Variants in INSYN2A observed in about 807,000 individuals in gnomAD.
The protein encoded by INSYN2A is inhibitory synaptic factor 2A, also known as family with sequence similarity 196 member A.
A neutral mutation model predicts 39.4 loss-of-function variants in INSYN2A; 17 were observed. The observed-to-expected ratio is 0.43, with a 90% CI of 0.30 to 0.65. The LOEUF (loss-of-function observed/expected upper bound fraction) is 0.65, where lower values mean the gene tolerates loss of function less well. INSYN2A is among the 30% of genes least tolerant of loss of function. The pLI, the probability that INSYN2A is intolerant of heterozygous loss-of-function variation, is 0.14. For missense variants in INSYN2A, 595 were observed against 631.2 expected (o/e 0.94, Z 0.61); for synonymous variants, 255 against 265.7 (o/e 0.96, Z 0.39).
intron 4 of INSYN2A, among the ~76,000 whole-genome samples, chr10:127,173,624 T>C (rs1353325832): frequency 1.3e-5 from 2 of 152,164 alleles, no homozygotes; most frequent in Non-Finnish European, 2.9e-5. Flanking sequence ...TCTTTCTCTT[T>C]TGCTGTCTGG....
intron 4 of INSYN2A, among the ~76,000 whole-genome samples, chr10:127,171,345 A>G (rs1188314302): frequency 1.3e-5 from 2 of 152,258 alleles, no homozygotes; most frequent in Non-Finnish European, 1.5e-5. Flanking sequence ...AAGTCCTATT[A>G]AAGAGATTTT....
In INSYN2A at chr10:127,176,102, G is replaced by T. The variant is rs762779861; in HGVS notation, c.294C>A (p.Asn98Lys). The T allele has an allele frequency of 1.2e-6, 2 of 1,614,166 alleles. No homozygotes were observed. Among genetic ancestry groups the T allele is most frequent in the South Asian group, 2.2e-5 (2 of 91,084 alleles). ...MTVPARRSIP[N>K]VTKSTGVQTS... Reference sequence around the variant, plus strand: ...TCTGCACGCCTGTGCTCTTGGTGACGTTGGGGATGGACCTGCGTGCGGGCA... The same window carrying T: ...TCTGCACGCCTGTGCTCTTGGTGACTTTGGGGATGGACCTGCGTGCGGGCA... The change falls in exon 4 of 6, where the codon AAC (asparagine) becomes AAA (lysine). Residue 98 changes from asparagine (N) to lysine (K), a missense_variant. Asn to Lys is a moderately conservative substitution (Grantham distance 94). Coordinates refer to ENST00000522781, the MANE Select transcript of INSYN2A (RefSeq NM_001039762.3). This position sits in a 1 kb window ranked among gnomAD's most constrained non-coding sequence, Gnocchi z 4.4.
chr10:127,195,565 G>A (rs1003457343), intron 1 of INSYN2A, among the ~76,000 whole-genome samples: 3 of 151,822 alleles, frequency 2.0e-5, no homozygotes, highest in African/African-American at 7.3e-5. Flanking sequence ...ACTTTCCAGG[G>A]CGCTTTAGTT....
chr10:127,150,750 G>A (rs1382668922), intron 5 of INSYN2A, among the ~76,000 whole-genome samples: 2 of 152,106 alleles, frequency 1.3e-5, no homozygotes, highest in Non-Finnish European at 1.5e-5. Context: ...GAAAGAGTGG[G>A]GTACCACAAA....
chr10:127,169,334 C>T (rs1299775838), intron 4 of INSYN2A, among the ~76,000 whole-genome samples: 1 of 152,188 alleles, frequency 6.6e-6, no homozygotes, highest in Non-Finnish European at 1.5e-5. Context: ...TCTCACATCC[C>T]CTCATTGCCT....
intron 5 of INSYN2A, among the ~76,000 whole-genome samples, chr10:127,153,602 A>G (rs2052723796): frequency 6.6e-6 from 1 of 152,234 alleles, no homozygotes; most frequent in Admixed American, 6.5e-5. Flanking sequence ...CAAGCCATCA[A>G]ACTTATACCA....
rs35712812 is a variant in INSYN2A, at chr10:127,150,990, G to A, written c.1256+2862C>T. Among the ~76,000 whole-genome samples, 1,506 of 152,266 alleles carry A rather than the reference G, an allele frequency of 9.9e-3. 23 individuals are homozygous for A. Among genetic ancestry groups the A allele is most frequent in the African/African-American group, 0.035 (1,443 of 41,540 alleles). On this transcript the variant is annotated intron_variant, in intron 5 of 5. Coordinates refer to ENST00000522781, the MANE Select transcript of INSYN2A (RefSeq NM_001039762.3). ...TCAAATGGGAGATTTCAATTCATGC[G>A]ATTCAAATTAAAATAACATGTTTAA...
chr10:127,159,089 T>C (rs918958992), intron 4 of INSYN2A, among the ~76,000 whole-genome samples: 2 of 152,160 alleles, frequency 1.3e-5, no homozygotes, highest in Admixed American at 6.5e-5. Flanking sequence ...TATAAGAACA[T>C]AGACTCTGCG....
chr10:127,173,519 C>G (rs2054777886), intron 4 of INSYN2A, among the ~76,000 whole-genome samples: 1 of 152,146 alleles, frequency 6.6e-6, no homozygotes, highest in Non-Finnish European at 1.5e-5. Context: ...CTCTCAGGTT[C>G]TTCTTTGGGC....
chr10:127,153,498 T>A (rs1486182343), intron 5 of INSYN2A, among the ~76,000 whole-genome samples: 1 of 152,208 alleles, frequency 6.6e-6, no homozygotes, highest in Non-Finnish European at 1.5e-5. Context: ...CGGTGTGCTT[T>A]CAAGCCTTTG....
rs574591907 is a variant in INSYN2A, at chr10:127,140,346, G to T, written c.1257-2326C>A. 8.1e-4 allele frequency among the ~76,000 whole-genome samples: 124 copies of T among 152,252 alleles called. No individual in the cohort carries two copies. In the Middle Eastern group the frequency reaches 0.01, roughly 13 times the overall value. On this transcript the variant is annotated intron_variant, in intron 5 of 5. Transcript: ENST00000522781. ...TTTGCACTCCCCATTATGCTGCCCT[G>T]GGAATCTGCAACCAGAGGCAGGTTC...
In INSYN2A at chr10:127,175,644, G is replaced by A. The variant is rs377391223; in HGVS notation, c.752C>T (p.Thr251Met). 301 of 1,613,368 alleles carry A rather than the reference G, an allele frequency of 1.9e-4. 3 individuals carry two copies. Among genetic ancestry groups the A allele is most frequent in the South Asian group, 1.7e-3 (156 of 91,066 alleles). ...APPALRRVFK[T>M]EVATVYAPAL... ...AGGTGCGTAAACGGTGGCAACCTCCGTTTTAAACACCCTCCTGAGGGCAGG... is the reference window on the plus strand; with the variant it reads ...AGGTGCGTAAACGGTGGCAACCTCCATTTTAAACACCCTCCTGAGGGCAGG... The change falls in exon 4 of 6, where the codon ACG (threonine) becomes ATG (methionine). Residue 251 changes from threonine to methionine, a missense_variant. Transcript: ENST00000522781. The surrounding 1 kb of genome is among the most constrained non-coding windows in gnomAD (Gnocchi z 6.3).
At chr10:127,189,563 CAAATT>C (rs1405061675) in intron 2 of INSYN2A, among the ~76,000 whole-genome samples, 2 of 152,250 alleles carry the variant, frequency 1.3e-5, no homozygotes, top group Admixed American at 6.5e-5. Context: ...AAGTGCAAAA[CAAATT>C]AAATGAGGAT....
chr10:127,156,519 ACTTTT>A (rs1298958857), intron 4 of INSYN2A, among the ~76,000 whole-genome samples: 1 of 127,846 alleles, frequency 7.8e-6, no homozygotes, highest in African/African-American at 2.9e-5. Context: ...TCTTTTCTTT[ACTTTT>A]CTTTTCTCTT....
At chr10:127,167,818 C>A (rs1046891377) in intron 4 of INSYN2A, among the ~76,000 whole-genome samples, 1 of 151,952 alleles carries the variant, frequency 6.6e-6, no homozygotes, top group African/African-American at 2.4e-5. Flanking sequence ...CACCACCACC[C>A]CCCATCCCCA....
intron 4 of INSYN2A, among the ~76,000 whole-genome samples, chr10:127,172,500 T>C (rs1589761865): frequency 6.6e-6 from 1 of 152,328 alleles, no homozygotes; most frequent in African/African-American, 2.4e-5. Flanking sequence ...TCCTCTCCTA[T>C]GTTCTGACAT....
In INSYN2A at chr10:127,184,463, C is replaced by G. The variant is rs546926013; in HGVS notation, c.-268-7324G>C. Among the ~76,000 whole-genome samples, 9 of 152,074 alleles carry G rather than the reference C, an allele frequency of 5.9e-5. No individual in the cohort carries two copies. The South Asian group carries it at 1.7e-3, about 28-fold the overall frequency. On this transcript the variant is annotated intron_variant, in intron 2 of 5. Transcript: ENST00000522781. Reference sequence around the variant, plus strand: ...GCCTTCATAACTCTCCTGCCCTCAGCTCTCCATTCCCCCATGCCCCACCCC... The same window carrying G: ...GCCTTCATAACTCTCCTGCCCTCAGGTCTCCATTCCCCCATGCCCCACCCC...
At chr10:127,186,942 G>A (rs907534462) in intron 2 of INSYN2A, among the ~76,000 whole-genome samples, 1 of 152,152 alleles carries the variant, frequency 6.6e-6, no homozygotes, top group Admixed American at 6.5e-5. Context: ...TCTGTGGGCT[G>A]TTCCTTGAAT....
chr10:127,178,553 T>G (rs1271226540), intron 2 of INSYN2A, among the ~76,000 whole-genome samples: 1 of 152,180 alleles, frequency 6.6e-6, no homozygotes, highest in Non-Finnish European at 1.5e-5. Context: ...GCATTAGCCC[T>G]TGCACCTCTG....
Sources: gnomAD v4.1 joint callset for allele counts (sites outside exome capture counted in the v4.1 genomes callset) on GRCh38, gnomAD v4.1.1 for gene constraint, Gnocchi (gnomAD v3.1) non-coding constraint, MANE v1.5 for transcripts, NCBI Gene and HGNC (gene_info 2026-07-23, HGNC 2026-07-21) for gene names.